TASP1: variants seen among roughly 807,000 people sequenced by gnomAD.
TASP1 encodes the protein taspase 1.
Under a neutral mutation model 56.6 loss-of-function variants are expected in TASP1, and 16 were observed. The observed-to-expected ratio is 0.28, with a 90% CI of 0.19 to 0.43. TASP1 has a LOEUF of 0.43. Ranked by LOEUF, TASP1 falls within the 20% of genes least tolerant of loss-of-function variation. The pLI, the probability that TASP1 is intolerant of heterozygous loss-of-function variation, is 1.00. For missense variants in TASP1, 393 were observed against 511.6 expected, an observed-to-expected ratio of 0.77 and a Z score of 2.24; for synonymous variants, 179 against 184.2, an observed-to-expected ratio of 0.97 and a Z score of 0.23.
In TASP1 at chr20:13,476,213, C is replaced by G. The variant is rs78267516; in HGVS notation, c.985+7014G>C. 1.2e-4 allele frequency among the ~76,000 whole-genome samples: 18 copies of G among 152,288 alleles called. No individual in the cohort carries two copies. In the East Asian group the frequency reaches 3.5e-3, roughly 29 times the overall value. On this transcript the variant is annotated intron_variant, in intron 11 of 13. Coordinates refer to ENST00000337743, the MANE Select transcript of TASP1 (RefSeq NM_017714.3). ...CTACATGCTCTCTCTCATGGTAACT[C>G]TCTTTTACGTGTTTTACTTTATTTT...
the TASP1 span, among the ~76,000 whole-genome samples, chr20:13,259,988 C>T: frequency 6.6e-6 from 1 of 152,208 alleles, no homozygotes; most frequent in Non-Finnish European, 1.5e-5. Flanking sequence ...TTGAATGAAT[C>T]CATGAATAGA....
intron 4 of TASP1, among the ~76,000 whole-genome samples, chr20:13,588,697 G>A (rs1470580233): frequency 1.3e-5 from 2 of 152,104 alleles, no homozygotes; most frequent in Non-Finnish European, 2.9e-5. Flanking sequence ...TTCTATGTAC[G>A]TGGACCAGAA....
chr20:13,380,543 G>T, the TASP1 span, among the ~76,000 whole-genome samples: 1 of 152,178 alleles, frequency 6.6e-6, no homozygotes, highest in Admixed American at 6.5e-5. Flanking sequence ...CCAGTCAGGA[G>T]GCATGGAGGC....
the TASP1 span, among the ~76,000 whole-genome samples, chr20:13,234,168 C>T: frequency 5.3e-4 from 81 of 152,074 alleles, no homozygotes; most frequent in Non-Finnish European, 1.0e-3. Flanking sequence ...TTTGTATGTC[C>T]GTGTATGCCC....
At chr20:13,326,980 A>G in the TASP1 span, among the ~76,000 whole-genome samples, 1 of 152,204 alleles carries the variant, frequency 6.6e-6, no homozygotes, top group African/African-American at 2.4e-5. Flanking sequence ...AGGAAGAGAA[A>G]GAAATAAAGC....
chr20:13,565,178 T>A (rs1370819250), intron 7 of TASP1, among the ~76,000 whole-genome samples: 1 of 152,094 alleles, frequency 6.6e-6, no homozygotes, highest in Non-Finnish European at 1.5e-5. Context: ...GTTTGAAAGA[T>A]TAGACAACCA....
intron 8 of TASP1, among the ~76,000 whole-genome samples, chr20:13,540,478 T>C (rs1348278973): frequency 6.6e-6 from 1 of 152,166 alleles, no homozygotes; most frequent in African/African-American, 2.4e-5. Context: ...AGCCAAAACC[T>C]GGGAACAATC....
Position 13,390,468 on chromosome 20 carries a change from G to T in TASP1, c.1171-16C>A. ...AAATGTGAGTCTGCAGAGAGAGAGAGACAGCAGAGCATCAGAGGGGTCAGC... is the reference window on the plus strand; with the variant it reads ...AAATGTGAGTCTGCAGAGAGAGAGATACAGCAGAGCATCAGAGGGGTCAGC... On this transcript the variant is annotated splice_polypyrimidine_tract_variant and intron_variant, in intron 13 of 13. Coordinates refer to ENST00000337743, the MANE Select transcript of TASP1 (RefSeq NM_017714.3). 6.2e-7 allele frequency: 1 copy of T among 1,607,330 alleles called. No homozygotes were observed. Among genetic ancestry groups the T allele is most frequent in the South Asian group, 1.1e-5 (1 of 90,772 alleles).
chr20:13,321,253 T>TTAAAAAA, the TASP1 span, among the ~76,000 whole-genome samples: 1 of 57,522 alleles, frequency 1.7e-5, no homozygotes. Context: ...GTGCCCCACA[T>TTAAAAAA]AAAAAAAAAA....
the TASP1 span, among the ~76,000 whole-genome samples, chr20:13,195,237 T>C: frequency 3.5e-3 from 528 of 152,320 alleles, 4 homozygotes; most frequent in African/African-American, 0.012. Context: ...GAAATTTAAG[T>C]TTCTGGATGA....
intron 6 of TASP1, among the ~76,000 whole-genome samples, chr20:13,578,113 C>T (rs113555702): frequency 1.3e-5 from 2 of 152,106 alleles, no homozygotes; most frequent in African/African-American, 4.8e-5. Context: ...TTCCCATCAA[C>T]AGCAGAAGAA....
intron 6 of TASP1, among the ~76,000 whole-genome samples, chr20:13,570,701 T>C (rs2046681684): frequency 6.6e-6 from 1 of 151,940 alleles, no homozygotes; most frequent in East Asian, 1.9e-4. Flanking sequence ...AAAATTCTAC[T>C]TTAAAAAAAA....
At chr20:13,234,688 T>G in the TASP1 span, among the ~76,000 whole-genome samples, 4 of 152,236 alleles carry the variant, frequency 2.6e-5, no homozygotes, top group Non-Finnish European at 2.9e-5. Flanking sequence ...TTTTAATTTT[T>G]ATTTCTCTGA....
chr20:13,419,118 T>C (rs1207495048), intron 12 of TASP1, among the ~76,000 whole-genome samples: 1 of 152,216 alleles, frequency 6.6e-6, no homozygotes, highest in Non-Finnish European at 1.5e-5. Flanking sequence ...CTAAAAGCCA[T>C]GACTTTGATA....
the TASP1 span, among the ~76,000 whole-genome samples, chr20:13,149,496 GTT>G: frequency 6.6e-6 from 1 of 152,172 alleles, no homozygotes; most frequent in Non-Finnish European, 1.5e-5. Flanking sequence ...GTATGAGAAT[GTT>G]TTCAATTTTA....
At chr20:13,126,701 G>A in the TASP1 span, 1 of 1,614,016 alleles carries the variant, frequency 6.2e-7, no homozygotes, top group Non-Finnish European at 8.5e-7. Flanking sequence ...TCATGGGACT[G>A]GATGGGACCA....
chr20:13,141,931 T>C, the TASP1 span, among the ~76,000 whole-genome samples: 1 of 152,182 alleles, frequency 6.6e-6, no homozygotes, highest in African/African-American at 2.4e-5. Flanking sequence ...AGACATTGCC[T>C]CTCTGCCTTG....
chr20:13,164,021 A>C, the TASP1 span, among the ~76,000 whole-genome samples: 1 of 152,120 alleles, frequency 6.6e-6, no homozygotes, highest in African/African-American at 2.4e-5. Context: ...GTCATTTAGC[A>C]TTAGGTATAT....
At chr20:13,523,161 G>A (rs2044831085) in intron 10 of TASP1, among the ~76,000 whole-genome samples, 1 of 152,072 alleles carries the variant, frequency 6.6e-6, no homozygotes, top group African/African-American at 2.4e-5. Context: ...CACCTTGAAG[G>A]GTTGCTAAGA....
Sources: gnomAD v4.1 joint callset for allele counts (sites outside exome capture counted in the v4.1 genomes callset) on GRCh38, gnomAD v4.1.1 for gene constraint, MANE v1.5 for transcripts, NCBI Gene and HGNC (gene_info 2026-07-23, HGNC 2026-07-21) for gene names.